PCLO: variants seen among roughly 807,000 people sequenced by gnomAD.
The protein encoded by PCLO is piccolo presynaptic cytomatrix protein, also known as protein piccolo.
A neutral mutation model predicts 427.5 loss-of-function variants in PCLO; 82 were observed. That is an observed-to-expected ratio of 0.19 (90% CI 0.16 to 0.23). The LOEUF (loss-of-function observed/expected upper bound fraction) is 0.23. PCLO is among the 10% of genes least tolerant of loss of function. PCLO has a pLI of 1.00. For missense variants in PCLO, 6,239 were observed against 6,115.9 expected (o/e 1.02, Z -0.67); for synonymous variants, 2,357 against 2,155.4 (o/e 1.09, Z -2.59).
intron 3 of PCLO, among the ~76,000 whole-genome samples, chr7:83,127,384 A>G (rs1480921060): frequency 6.6e-6 from 1 of 152,110 alleles, no homozygotes; most frequent in Non-Finnish European, 1.5e-5. Context: ...GTCAGTCACT[A>G]TGTGTATATA....
In PCLO at chr7:83,135,572, T is replaced by C. The variant is rs1432795944; in HGVS notation, c.1978A>G (p.Lys660Glu). 1 of 1,613,562 alleles carries C rather than the reference T, an allele frequency of 6.2e-7. No individual in the cohort carries two copies. Among genetic ancestry groups the C allele is most frequent in the Non-Finnish European group, 8.5e-7 (1 of 1,179,824 alleles). ...LAPVPSSPQP[K>E]LKTAPVTTTS... ...GTGGTAACAGGTGCAGTCTTCAGTT[T>C]GGGCTGGGGTGATGACGGAACTGGA... The change falls in exon 3 of 25, where the codon AAA becomes GAA. Residue 660 changes from lysine to glutamate, a missense_variant. This residue lies in a region of PCLO where 4,677 missense variants were observed against 4,468.4 expected (regional missense o/e 1.05). Transcript: ENST00000333891.
chr7:82,801,716 C>T (rs370058315), intron 21 of PCLO, 125 bp from the exon 22 acceptor site: 44 of 610,936 alleles, frequency 7.2e-5, no homozygotes, highest in African/African-American at 6.2e-4. Flanking sequence ...TTTGCACAAC[C>T]GAATATTTTT....
chr7:82,822,086 T>A (rs899969420), intron 20 of PCLO: 68 of 1,018,344 alleles, frequency 6.7e-5, no homozygotes, highest in Non-Finnish European at 7.6e-5. Context: ...TAAATACTTA[T>A]ATGTGTGCAC....
intron 3 of PCLO, among the ~76,000 whole-genome samples, chr7:83,093,492 A>ATATATTTTTTTTTTTTTTT: frequency 5.1e-5 from 3 of 59,312 alleles, no homozygotes; most frequent in Non-Finnish European, 9.8e-5. Flanking sequence ...ATATATATAT[A>ATATATTTTTTTTTTTTTTT]TTTTTTTTTT....
intron 3 of PCLO, among the ~76,000 whole-genome samples, chr7:82,977,780 T>G (rs552941394): frequency 6.6e-6 from 1 of 152,160 alleles, no homozygotes; most frequent in African/African-American, 2.4e-5. Context: ...CCATGAGCCA[T>G]TGATCCAATT....
At chr7:82,897,377 A>G (rs2116162220) in intron 9 of PCLO, among the ~76,000 whole-genome samples, 1 of 151,718 alleles carries the variant, frequency 6.6e-6, no homozygotes, top group South Asian at 2.1e-4. Flanking sequence ...TAAAGGATAT[A>G]TTTTTAAAAA....
intron 3 of PCLO, among the ~76,000 whole-genome samples, chr7:83,129,240 C>T (rs1791513018): frequency 6.6e-6 from 1 of 152,244 alleles, no homozygotes; most frequent in Non-Finnish European, 1.5e-5. Flanking sequence ...GTGCTTGGCA[C>T]AATTGCCTCA....
At chr7:82,820,656 T>C in intron 20 of PCLO, 1 of 1,230,878 alleles carries the variant, frequency 8.1e-7, no homozygotes, top group Non-Finnish European at 1.0e-6. Context: ...TTTCCTTTAC[T>C]TTCCTCTAAG....
chr7:83,088,523 T>C (rs1211940597), intron 3 of PCLO, among the ~76,000 whole-genome samples: 1 of 152,136 alleles, frequency 6.6e-6, no homozygotes, highest in East Asian at 1.9e-4. Context: ...GATCAAGAAA[T>C]GTACTAGACC....
At chr7:82,811,389 C>T (rs1299524063) in intron 20 of PCLO, among the ~76,000 whole-genome samples, 1 of 151,496 alleles carries the variant, frequency 6.6e-6, no homozygotes, top group African/African-American at 2.4e-5. Context: ...CCTCCTGTCT[C>T]TGTCATCTAC....
chr7:82,896,504 CAG>C (rs1438327876), intron 9 of PCLO, among the ~76,000 whole-genome samples: 2 of 151,540 alleles, frequency 1.3e-5, no homozygotes, highest in African/African-American at 4.8e-5. Context: ...ATGTTGGAAG[CAG>C]AGATTGCTAG....
chr7:82,916,158 G>T lies in PCLO; in HGVS notation c.11828C>A (p.Thr3943Lys). Reference protein sequence around the residue: ...TMSFTPQVQPTPTPQPSYQLP... With the variant: ...TMSFTPQVQPKPTPQPSYQLP... ...CTGATAAGAAGGCTGTGGGGTTGGT[G>T]TAGGTTGAACTTGAGGTGTGAAGGA... is the stretch of plus-strand genomic sequence containing the variant. Residue 3943 changes from threonine (T) to lysine (K), a missense_variant, in exon 7 of 25, where the codon ACA becomes AAA. Around this residue, in one of 5 missense-constraint regions of PCLO, gnomAD observed 680 missense variants for 677.3 expected, o/e 1.00. Transcript: ENST00000333891. 4 of 1,613,618 alleles carry T rather than the reference G, an allele frequency of 2.5e-6. No homozygotes were observed. Among genetic ancestry groups the T allele is most frequent in the Middle Eastern group, 1.7e-4 (1 of 6,058 alleles).
intron 3 of PCLO, among the ~76,000 whole-genome samples, chr7:82,981,992 G>T (rs958713736): frequency 1.3e-5 from 2 of 152,122 alleles, no homozygotes; most frequent in South Asian, 4.1e-4. Flanking sequence ...GGAAACATTG[G>T]TTAAAAGTAA....
At chr7:82,995,675 G>C (rs1459422538) in intron 3 of PCLO, among the ~76,000 whole-genome samples, 1 of 151,874 alleles carries the variant, frequency 6.6e-6, no homozygotes, top group Non-Finnish European at 1.5e-5. Context: ...TGGACCCAAG[G>C]CTGCTACTTC....
chr7:83,066,327 T>TAAA (rs1789670232), intron 3 of PCLO, among the ~76,000 whole-genome samples: 1 of 152,144 alleles, frequency 6.6e-6, no homozygotes, highest in African/African-American at 2.4e-5. Context: ...CTCAGCTTTT[T>TAAA]ATCTGGTATG....
intron 10 of PCLO, among the ~76,000 whole-genome samples, chr7:82,859,460 T>A (rs1221320128): frequency 1.3e-5 from 2 of 152,324 alleles, no homozygotes; most frequent in African/African-American, 2.4e-5. Flanking sequence ...AGAGTCTCTG[T>A]CTGGTAATCC....
At position 82,949,558 on chromosome 7, in the gene PCLO, C is replaced by A; in HGVS notation, c.11030G>T (p.Arg3677Leu). The A allele has an allele frequency of 6.2e-7, 1 of 1,613,806 alleles. No individual in the cohort carries two copies. Among genetic ancestry groups the A allele is most frequent in the Non-Finnish European group, 8.5e-7 (1 of 1,179,806 alleles). ...CAGAGGCTTGGGGTCAGACATAGAACGCTGCATCATCTTGGCTGTCTTAGG... is the reference window on the plus strand; with the variant it reads ...CAGAGGCTTGGGGTCAGACATAGAAAGCTGCATCATCTTGGCTGTCTTAGG... ...ASPKTAKMMQ[R>L]SMSDPKPLSP... Residue 3677 changes from arginine (R) to leucine (L), a missense_variant, in exon 6 of 25, where the codon CGT becomes CTT. Physicochemically the swap from Arg to Leu is moderately radical, Grantham distance 102. Coordinates refer to ENST00000333891, the MANE Select transcript of PCLO (RefSeq NM_033026.6).
intron 3 of PCLO, among the ~76,000 whole-genome samples, chr7:83,104,232 G>A (rs1790800820): frequency 6.6e-6 from 1 of 151,934 alleles, no homozygotes; most frequent in South Asian, 2.1e-4. Context: ...ATAGAAATGT[G>A]AGTTTACATT....
In PCLO at chr7:83,119,860, T is replaced by C. The variant is rs569376311; in HGVS notation, c.3300+14390A>G. ...GCAAATATTGAAGTAATTTAAAAAA[T>C]CAAACAGAAATTGTGTAACTGAAAA... On this transcript the variant is annotated intron_variant, in intron 3 of 24. Transcript: ENST00000333891. Among the ~76,000 whole-genome samples, 7 of 144,584 alleles carry C rather than the reference T, an allele frequency of 4.8e-5. No homozygotes were observed. The South Asian group carries it at 1.3e-3, about 27-fold the overall frequency. 94.9% of individuals were successfully genotyped at this position (144,584 alleles called of 152,430 possible).
Sources: gnomAD v4.1 joint callset for allele counts (sites outside exome capture counted in the v4.1 genomes callset) on GRCh38, gnomAD v4.1.1 for gene constraint, gnomAD v4.1.1 regional missense constraint, MANE v1.5 for transcripts, NCBI Gene and HGNC (gene_info 2026-07-23, HGNC 2026-07-21) for gene names.